LINGO1: variants seen among roughly 807,000 people sequenced by gnomAD.
LINGO1 encodes the protein leucine rich repeat and Ig domain containing 1.
Under a neutral mutation model 37.3 loss-of-function variants are expected in LINGO1, and 11 were observed. The ratio of observed to expected loss-of-function variants is 0.29; its 90% CI spans 0.19 to 0.49. The LOEUF (loss-of-function observed/expected upper bound fraction) is 0.49. Ranked by LOEUF, LINGO1 falls within the 20% of genes least tolerant of loss-of-function variation. The pLI is 0.99. For missense variants in LINGO1, 585 were observed against 878.2 expected (o/e 0.67, Z 4.22); for synonymous variants, 387 against 403.0 (o/e 0.96, Z 0.48).
chr15:77,632,875 G>C lies in LINGO1; in HGVS notation c.-560C>G, dbSNP rs2074306876. Among the ~76,000 whole-genome samples the C allele has an allele frequency of 6.7e-6, 1 of 150,060 alleles. No homozygotes were observed. On this transcript the variant is annotated 5_prime_UTR_variant, in exon 1 of 2. Coordinates refer to ENST00000355300, the MANE Select transcript of LINGO1 (RefSeq NM_032808.7). The surrounding 1 kb of genome is among the most constrained non-coding windows in gnomAD (Gnocchi z 6.0). ...CCGGCTCCCGCGCCGGCTCCCGCTC[G>C]GGCTCCGCGCTCTGCAGCGGCGCGG...
At chr15:77,674,602 G>A (rs2075300641) in intron 3 of LINGO1, among the ~76,000 whole-genome samples, 1 of 152,028 alleles carries the variant, frequency 6.6e-6, no homozygotes, top group Non-Finnish European at 1.5e-5. Context: ...TCCTGACTCA[G>A]GGTCCTCAGA....
intron 1 of LINGO1, among the ~76,000 whole-genome samples, chr15:77,693,801 G>A (rs374975431): frequency 7.9e-5 from 12 of 152,186 alleles, no homozygotes; most frequent in Middle Eastern, 3.4e-3. Context: ...AGGGGGTGGA[G>A]GTAAGAAAAG....
intron 2 of LINGO1, among the ~76,000 whole-genome samples, chr15:77,718,439 A>G (rs966491837): frequency 2.0e-5 from 3 of 150,918 alleles, no homozygotes; most frequent in African/African-American, 7.3e-5. Flanking sequence ...CACCTGGACG[A>G]GCTCACACAC....
chr15:77,629,302 A>G (rs776401528), intron 1 of LINGO1, among the ~76,000 whole-genome samples: 1 of 150,390 alleles, frequency 6.6e-6, no homozygotes, highest in Non-Finnish European at 1.5e-5. Flanking sequence ...TTGTTCGTTC[A>G]TTCATTCATT....
chr15:77,819,801 C>G (rs577807521), intron 1 of LINGO1, among the ~76,000 whole-genome samples: 1 of 151,182 alleles, frequency 6.6e-6, no homozygotes, highest in Non-Finnish European at 1.5e-5. Flanking sequence ...GCGCTCCCAG[C>G]CCGAACCTGG....
intron 1 of LINGO1, among the ~76,000 whole-genome samples, chr15:77,767,061 G>A (rs1439152117): frequency 6.6e-6 from 1 of 152,120 alleles, no homozygotes; most frequent in Non-Finnish European, 1.5e-5. Context: ...AAAACACAGA[G>A]GTTAGGAAAC....
chr15:77,747,404 C>T (rs940826512), intron 1 of LINGO1, among the ~76,000 whole-genome samples: 7 of 152,118 alleles, frequency 4.6e-5, no homozygotes, highest in African/African-American at 1.7e-4. Context: ...GGGACTCTTC[C>T]CTGGGACAAG....
intron 2 of LINGO1, among the ~76,000 whole-genome samples, chr15:77,682,312 G>A (rs1409647039): frequency 6.7e-6 from 1 of 148,420 alleles, no homozygotes; most frequent in Non-Finnish European, 1.5e-5. Context: ...GTGTGTGTGT[G>A]TAGTGTCTCG....
chr15:77,685,716 G>A (rs749323796), intron 2 of LINGO1, among the ~76,000 whole-genome samples: 1 of 149,928 alleles, frequency 6.7e-6, no homozygotes, highest in South Asian at 2.1e-4. Flanking sequence ...CGCCAGGAAT[G>A]GTGGTGCATC....
chr15:77,630,619 A>G (rs1401445894), intron 1 of LINGO1, among the ~76,000 whole-genome samples: 2 of 152,236 alleles, frequency 1.3e-5, no homozygotes, highest in East Asian at 3.9e-4. Context: ...CTTTGAGCAC[A>G]TGCCCATCCC....
intron 3 of LINGO1, among the ~76,000 whole-genome samples, chr15:77,657,776 A>G (rs182201919): frequency 6.6e-6 from 1 of 152,238 alleles, no homozygotes; most frequent in Admixed American, 6.5e-5. Context: ...TCGGGAACAG[A>G]TGGACTTGGA....
At chr15:77,638,290 C>T (rs2074434706), upstream of LINGO1, among the ~76,000 whole-genome samples, 1 of 152,176 alleles carries the variant, frequency 6.6e-6, no homozygotes, top group African/African-American at 2.4e-5. Context: ...CGCCGAAGTT[C>T]CCCCCAGGAA....
chr15:77,789,857 C>G (rs142079573), upstream of LINGO1, among the ~76,000 whole-genome samples: 600 of 152,144 alleles, frequency 3.9e-3, 4 homozygotes, highest in African/African-American at 0.014. Flanking sequence ...TCAATCATAG[C>G]TCATTGCAGC....
At chr15:77,681,934 C>T (rs951053829) in intron 2 of LINGO1, among the ~76,000 whole-genome samples, 3 of 152,118 alleles carry the variant, frequency 2.0e-5, no homozygotes, top group African/African-American at 7.2e-5. Context: ...TCACACACGC[C>T]CTCGAGGAGG....
intron 1 of LINGO1, among the ~76,000 whole-genome samples, chr15:77,762,058 G>A (rs2076483025): frequency 6.6e-6 from 1 of 152,168 alleles, no homozygotes; most frequent in Non-Finnish European, 1.5e-5. Flanking sequence ...TTGATGATTC[G>A]GCCCTTAATT....
chr15:77,633,653 C>T (rs1258530829), upstream of LINGO1, among the ~76,000 whole-genome samples: 2 of 152,206 alleles, frequency 1.3e-5, no homozygotes, highest in South Asian at 4.1e-4. Flanking sequence ...TCCGGAGGCC[C>T]TGCACCCAGT....
rs1392086453 is a variant in LINGO1, at chr15:77,785,362, ACCAGCCTCTTCCCAGGCCTTACACAGG to A, written c.-257+1480_-257+1506del. Among the ~76,000 whole-genome samples, 4 of 152,248 alleles carry A rather than the reference ACCAGCCTCTTCCCAGGCCTTACACAGG, an allele frequency of 2.6e-5. No homozygotes were observed. The East Asian group carries it at 7.7e-4, about 29-fold the overall frequency. ...GGTCCTGCCAGTTTGGGCAGCAGCC[ACCAGCCTCTTCCCAGGCCTTACACAGG>A]CCCTTGCACTTCCCAACTGAGGCCC... On this transcript the variant is annotated intron_variant, in intron 1 of 3. Transcript: ENST00000561686.
intron 2 of LINGO1, among the ~76,000 whole-genome samples, chr15:77,715,072 C>T (rs1196524201): frequency 6.6e-6 from 1 of 152,212 alleles, no homozygotes; most frequent in Non-Finnish European, 1.5e-5. Flanking sequence ...ACACTGAGCT[C>T]TTGGGTCTGA....
chr15:77,624,109 G>A (rs1035335756), intron 1 of LINGO1, among the ~76,000 whole-genome samples: 1 of 141,974 alleles, frequency 7.0e-6, no homozygotes, highest in Admixed American at 7.2e-5. Flanking sequence ...TGTGTGTGTG[G>A]AGTGCGAGTA....
Sources: gnomAD v4.1 joint callset for allele counts (sites outside exome capture counted in the v4.1 genomes callset) on GRCh38, gnomAD v4.1.1 for gene constraint, Gnocchi (gnomAD v3.1) non-coding constraint, MANE v1.5 for transcripts, NCBI Gene and HGNC (gene_info 2026-07-23, HGNC 2026-07-21) for gene names.